Variants in ADAMTSL2 observed in about 807,000 individuals in gnomAD.
ADAMTSL2 encodes ADAMTS-like protein 2.
ADAMTSL2 carries 55 observed loss-of-function variants against 117.0 expected under a neutral mutation model. The ratio of observed to expected loss-of-function variants is 0.47; its 90% CI spans 0.38 to 0.59. The LOEUF (loss-of-function observed/expected upper bound fraction) is 0.59, where lower values mean the gene tolerates loss of function less well. ADAMTSL2 is among the 20% of genes least tolerant of loss of function. The pLI is 0.00. For synonymous variants in ADAMTSL2, 572 were observed against 566.4 expected (o/e 1.01, Z -0.14); for missense variants, 1,182 against 1,354.5 (o/e 0.87, Z 2.00).
At chr9:133,537,380 C>A in intron 2 of ADAMTSL2, 25 bp from the exon 3 acceptor site, 1 of 1,333,336 alleles carries the variant, frequency 7.5e-7, no homozygotes, top group Non-Finnish European at 9.7e-7. Flanking sequence ...GAGCCCTCTA[C>A]CATCTGGGGG....
intron 11 of ADAMTSL2, among the ~76,000 whole-genome samples, chr9:133,556,281 T>C (rs892864749): frequency 1.9e-4 from 29 of 152,334 alleles, no homozygotes; most frequent in Non-Finnish European, 4.0e-4. Context: ...TTTATATGCA[T>C]GGAAACATGT....
intron 12 of ADAMTSL2, among the ~76,000 whole-genome samples, chr9:133,564,093 GGA>G (rs1174459265): frequency 3.1e-4 from 5 of 16,110 alleles, no homozygotes; most frequent in Admixed American, 6.0e-4. Context: ...AGAGAGAGAG[GGA>G]GAGAGAGAGA....
rs1372211343 is a variant in ADAMTSL2 at position 133,555,903 on chromosome 9, C to T, written c.1622C>T (p.Ser541Leu). The T allele has an allele frequency of 6.2e-6, 10 of 1,612,478 alleles. No individual in the cohort carries two copies. The highest frequency in any genetic ancestry group is 1.7e-4 in the Middle Eastern group (1 of 5,904). ...FPNVSTSLLT[S>L]AGNRTHKART... is the part of the protein sequence containing the mutation. ...AACGTTAGCACCAGCCTGCTCACCTCGGCCGGGAACAGGACTCACAAGGCC... is the reference window on the plus strand; with the variant it reads ...AACGTTAGCACCAGCCTGCTCACCTTGGCCGGGAACAGGACTCACAAGGCC... The change falls in exon 11 of 19, where the codon TCG becomes TTG. Residue 541 changes from serine (S) to leucine (L), a missense_variant. Transcript: ENST00000651351.
chr9:133,568,839 ATTT>A, intron 15 of ADAMTSL2, 81 bp downstream of exon 15: 5 of 1,588,226 alleles, frequency 3.1e-6, no homozygotes, highest in Non-Finnish European at 4.3e-6. Context: ...CTCAGTTTCC[ATTT>A]TTTTCCGAGG....
chr9:133,556,742 C>T (rs1830612573), intron 11 of ADAMTSL2, among the ~76,000 whole-genome samples: 1 of 152,194 alleles, frequency 6.6e-6, no homozygotes, highest in Non-Finnish European at 1.5e-5. Context: ...GACGCCTGGG[C>T]AGTCACAGCT....
At chr9:133,556,050 TAGAGG>T in intron 11 of ADAMTSL2, 120 bp downstream of exon 11, 1 of 1,319,688 alleles carries the variant, frequency 7.6e-7, no homozygotes, top group South Asian at 1.4e-5. Flanking sequence ...GTCCTAGAGG[TAGAGG>T]AGAGAGGGCC....
At chr9:133,566,167 C>T (rs569249363) in intron 12 of ADAMTSL2, among the ~76,000 whole-genome samples, 3 of 152,206 alleles carry the variant, frequency 2.0e-5, no homozygotes, top group Admixed American at 6.5e-5. Context: ...TCAGGCCTGG[C>T]GCGGTGGCTC....
chr9:133,541,536 G>A (rs991132021), intron 7 of ADAMTSL2, among the ~76,000 whole-genome samples: 5 of 152,222 alleles, frequency 3.3e-5, no homozygotes, highest in South Asian at 2.1e-4. Flanking sequence ...CGATCCACCC[G>A]CCTCCGTCTC....
In ADAMTSL2 at chr9:133,570,632, C is replaced by T. The variant is rs1187998152; in HGVS notation, c.2592+125C>T. ...CCCTCCCTGACAGCCTCTGTGAGGGCTTTCCTTCCCGGGAAAGCTTCTCAA... is the reference window on the plus strand; with the variant it reads ...CCCTCCCTGACAGCCTCTGTGAGGGTTTTCCTTCCCGGGAAAGCTTCTCAA... On this transcript the variant is annotated intron_variant, in intron 17 of 18. Coordinates refer to ENST00000651351, the MANE Select transcript of ADAMTSL2 (RefSeq NM_014694.4). 3.7e-6 allele frequency: 4 copies of T among 1,081,162 alleles called. No homozygotes were observed. In the East Asian group the frequency reaches 7.8e-5, roughly 21 times the overall value. The allele number at this position is 1,081,162 out of a possible 1,614,324, so 67.0% of individuals were successfully genotyped here.
Position 133,534,794 on chromosome 9 carries a change from A to G in ADAMTSL2, c.-274A>G. On this transcript the variant is annotated 5_prime_UTR_variant, in exon 1 of 19. Transcript: ENST00000651351. ...GCGCGGGGGAGGAGGGGAAGGGGAGAGGGAGGCCGGGCCGCAGCCTCTGCA... is the reference window on the plus strand; with the variant it reads ...GCGCGGGGGAGGAGGGGAAGGGGAGGGGGAGGCCGGGCCGCAGCCTCTGCA... The G allele has an allele frequency of 6.7e-7, 1 of 1,482,010 alleles. No homozygotes were observed. Among genetic ancestry groups the G allele is most frequent in the Non-Finnish European group, 9.0e-7 (1 of 1,110,772 alleles). 91.8% of individuals were successfully genotyped at this position (1,482,010 alleles called of 1,614,324 possible).
At chr9:133,556,823 C>A (rs113850913) in intron 11 of ADAMTSL2, among the ~76,000 whole-genome samples, 2,999 of 152,294 alleles carry the variant, frequency 0.02, 46 homozygotes, top group East Asian at 0.08. Flanking sequence ...TGACCCCAGA[C>A]CTGTCGTGTC....
chr9:133,540,787 T>C (rs1564494572), intron 6 of ADAMTSL2, 44 bp downstream of exon 6: 2 of 1,613,466 alleles, frequency 1.2e-6, no homozygotes, highest in East Asian at 2.2e-5. Flanking sequence ...CTCACTGTGC[T>C]GACTGCCCGC....
At chr9:133,548,570 C>T (rs1236525986) in intron 9 of ADAMTSL2, among the ~76,000 whole-genome samples, 2 of 149,888 alleles carry the variant, frequency 1.3e-5, no homozygotes, top group Non-Finnish European at 3.0e-5. Context: ...CAGGAGGGCA[C>T]GGGACTAGAC....
intron 12 of ADAMTSL2, among the ~76,000 whole-genome samples, chr9:133,565,917 G>A (rs1339535719): frequency 1.3e-5 from 2 of 151,918 alleles, no homozygotes; most frequent in African/African-American, 2.4e-5. Flanking sequence ...CCCCAAGGCC[G>A]TTCCCACTGC....
intron 11 of ADAMTSL2, among the ~76,000 whole-genome samples, chr9:133,556,851 C>A (rs1016585942): frequency 1.3e-5 from 2 of 152,186 alleles, no homozygotes; most frequent in Admixed American, 6.5e-5. Flanking sequence ...GAGCACAGTC[C>A]GTGGTGACAA....
chr9:133,540,729 T>C lies in ADAMTSL2; in HGVS notation c.544T>C (p.Ser182Pro), dbSNP rs1246096656. 1 of 1,613,710 alleles carries C rather than the reference T, an allele frequency of 6.2e-7. No individual in the cohort carries two copies. The highest frequency in any genetic ancestry group is 8.5e-7 in the Non-Finnish European group (1 of 1,180,028). Reference protein sequence around the residue: ...KLTDLRGVCVSGKCEPIGCDG... With the variant: ...KLTDLRGVCVPGKCEPIGCDG... ...CACTGACCTGCGAGGGGTTTGCGTG[T>C]CTGGAAAATGTGAGGTTGTTAAACG... Residue 182 changes from serine (S) to proline (P), a missense_variant, in exon 6 of 19, where the codon TCT becomes CCT. Physicochemically the swap from Ser to Pro is moderately conservative, Grantham distance 74. Coordinates refer to ENST00000651351, the MANE Select transcript of ADAMTSL2 (RefSeq NM_014694.4).
At chr9:133,550,349 T>C (rs2131128029) in intron 9 of ADAMTSL2, among the ~76,000 whole-genome samples, 1 of 152,342 alleles carries the variant, frequency 6.6e-6, no homozygotes, top group Non-Finnish European at 1.5e-5. Context: ...GCTCCATTGC[T>C]CCATCAGGCT....
chr9:133,570,401 CG>C lies in ADAMTSL2; in HGVS notation c.2487del (p.Gln830ArgfsTer44). The C allele has an allele frequency of 6.3e-7, 1 of 1,582,604 alleles. No homozygotes were observed. The highest frequency in any genetic ancestry group is 8.6e-7 in the Non-Finnish European group (1 of 1,165,530). On this transcript the variant is annotated frameshift_variant, in exon 17 of 19. Transcript: ENST00000651351. LOFTEE classifies it high-confidence loss of function. ...VLCMELANGK[P>X]QTRSGPECGL... ...TGCATGGAGCTGGCCAACGGGAAGCCGCAGACGCGCAGTGGCCCCGAGTGCG... is the reference window on the plus strand; with the variant it reads ...TGCATGGAGCTGGCCAACGGGAAGCCCAGACGCGCAGTGGCCCCGAGTGCG...
chr9:133,568,713 G>A lies in ADAMTSL2; in HGVS notation c.2199G>A (p.Thr733=). Residue 733 remains threonine (T), a synonymous_variant, in exon 15 of 19, where the codon ACG becomes ACA. Coordinates refer to ENST00000651351, the MANE Select transcript of ADAMTSL2 (RefSeq NM_014694.4). The part of the protein sequence containing the change: ...NTRPVGEKNC[T]GPPCDRQWTV... ...GGCCTGTAGGGGAGAAGAACTGCAC[G>A]GGCCCGCCCTGTGACCGGCAGTGGA... 6 of 1,613,284 alleles carry A rather than the reference G, an allele frequency of 3.7e-6. No individual in the cohort carries two copies. Among genetic ancestry groups the A allele is most frequent in the South Asian group, 1.1e-5 (1 of 91,080 alleles).
Sources: allele counts gnomAD v4.1 joint callset (sites outside exome capture counted in the v4.1 genomes callset), GRCh38; gene constraint gnomAD v4.1.1; transcripts MANE v1.5; gene names NCBI Gene and HGNC (gene_info 2026-07-23, HGNC 2026-07-21).